The following CRTAC1 variants were observed in gnomAD, a reference collection of about 807,000 sequenced individuals.
CRTAC1 encodes the protein cartilage acidic protein 1, also known as acidic secreted protein in cartilage.
A neutral mutation model predicts 67.8 loss-of-function variants in CRTAC1; 37 were observed. That is an observed-to-expected ratio of 0.55 (90% CI 0.42 to 0.72). The LOEUF is 0.72. Among genes scored for constraint, CRTAC1 ranks in the 30% least tolerant of loss-of-function variants. The pLI is 0.00. For synonymous variants in CRTAC1, 348 were observed against 371.0 expected (o/e 0.94, Z 0.71); for missense variants, 780 against 931.6 (o/e 0.84, Z 2.12).
At chr10:97,945,499 A>T (rs182570519) in intron 2 of CRTAC1, among the ~76,000 whole-genome samples, 1 of 152,348 alleles carries the variant, frequency 6.6e-6, no homozygotes, top group African/African-American at 2.4e-5. Flanking sequence ...ACCAGAAAAC[A>T]TATGGGAAGA....
chr10:98,011,579 T>C (rs928727764), intron 1 of CRTAC1, among the ~76,000 whole-genome samples: 1 of 152,172 alleles, frequency 6.6e-6, no homozygotes, highest in African/African-American at 2.4e-5. Context: ...TTTTTCTTTT[T>C]CTACAGCATC....
chr10:97,900,001 G>A (rs1179968663), intron 8 of CRTAC1, among the ~76,000 whole-genome samples: 3 of 152,210 alleles, frequency 2.0e-5, no homozygotes, highest in African/African-American at 7.2e-5. Flanking sequence ...AGAATCACCT[G>A]GTGCCTACTG....
chr10:97,987,044 A>G (rs1299040161), intron 2 of CRTAC1, among the ~76,000 whole-genome samples: 1 of 152,246 alleles, frequency 6.6e-6, no homozygotes, highest in African/African-American at 2.4e-5. Flanking sequence ...GACTCTCAGT[A>G]TATTAAGAAA....
intron 2 of CRTAC1, among the ~76,000 whole-genome samples, chr10:97,967,050 C>G (rs557476503): frequency 6.7e-6 from 1 of 148,190 alleles, no homozygotes; most frequent in African/African-American, 2.5e-5. Flanking sequence ...GCGGCACCTA[C>G]GCAGGAGTAG....
At chr10:98,001,894 A>T (rs142674308) in intron 2 of CRTAC1, among the ~76,000 whole-genome samples, 29 of 152,382 alleles carry the variant, frequency 1.9e-4, no homozygotes, top group Middle Eastern at 3.4e-3. Context: ...AAGAGAAGGG[A>T]TGTGTGAAGA....
intron 2 of CRTAC1, among the ~76,000 whole-genome samples, chr10:97,960,810 C>T (rs148698909): frequency 1.2e-3 from 183 of 152,326 alleles, no homozygotes; most frequent in African/African-American, 4.3e-3. Flanking sequence ...ACTATGTCTA[C>T]AGCATCCTGC....
intron 11 of CRTAC1, among the ~76,000 whole-genome samples, chr10:97,892,182 TA>T (rs577129477): frequency 6.6e-6 from 1 of 152,078 alleles, no homozygotes; most frequent in African/African-American, 2.4e-5. Context: ...GCTTTCCAGT[TA>T]AAAAAGCAAT....
chr10:97,917,125 C>T (rs529182062), intron 5 of CRTAC1, among the ~76,000 whole-genome samples: 55 of 152,318 alleles, frequency 3.6e-4, no homozygotes, highest in African/African-American at 1.2e-3. Flanking sequence ...CTTTAAATCT[C>T]GGCTTTTGTG....
At chr10:97,924,882 C>T (rs191439834) in intron 3 of CRTAC1, among the ~76,000 whole-genome samples, 4 of 151,914 alleles carry the variant, frequency 2.6e-5, no homozygotes, top group South Asian at 2.1e-4. Flanking sequence ...TGAGCATGAG[C>T]GAGAGTGAGC....
intron 2 of CRTAC1, among the ~76,000 whole-genome samples, chr10:97,971,722 T>C (rs2051716006): frequency 6.6e-6 from 1 of 152,244 alleles, no homozygotes. Flanking sequence ...AACACAGAGC[T>C]GCAGCTAAGT....
At chr10:97,993,321 G>A (rs995210787) in intron 2 of CRTAC1, among the ~76,000 whole-genome samples, 4 of 152,192 alleles carry the variant, frequency 2.6e-5, no homozygotes, top group African/African-American at 9.7e-5. Flanking sequence ...TTCCACAGAG[G>A]GTGAAAGCCT....
chr10:97,883,077 C>T (rs1026248995), intron 12 of CRTAC1, among the ~76,000 whole-genome samples: 12 of 152,232 alleles, frequency 7.9e-5, no homozygotes, highest in African/African-American at 1.9e-4. Flanking sequence ...AGGATCCACA[C>T]GAGCTGGGAC....
chr10:97,896,426 C>A (rs998964925), intron 9 of CRTAC1, among the ~76,000 whole-genome samples: 1 of 152,084 alleles, frequency 6.6e-6, no homozygotes, highest in Non-Finnish European at 1.5e-5. Flanking sequence ...ATGTGGAGAA[C>A]AAGACCCAGA....
intron 2 of CRTAC1, among the ~76,000 whole-genome samples, chr10:97,955,646 TA>T (rs1367662495): frequency 6.6e-6 from 1 of 152,156 alleles, no homozygotes; most frequent in African/African-American, 2.4e-5. Flanking sequence ...GTCATGAAAA[TA>T]AAAATGTTTA....
chr10:97,984,513 C>T (rs780371486), intron 2 of CRTAC1, among the ~76,000 whole-genome samples: 7 of 152,194 alleles, frequency 4.6e-5, no homozygotes, highest in Admixed American at 6.5e-5. Flanking sequence ...AGCTTTTTGG[C>T]ATTTGTAGCC....
intron 3 of CRTAC1, among the ~76,000 whole-genome samples, chr10:97,924,079 G>C (rs2050879222): frequency 1.3e-5 from 2 of 152,122 alleles, no homozygotes; most frequent in Admixed American, 6.5e-5. Flanking sequence ...AGGACCTTCA[G>C]CTCAGGGAGT....
chr10:98,011,112 T>C, intron 2 of CRTAC1, 26 bp downstream of exon 2: 1 of 1,603,870 alleles, frequency 6.2e-7, no homozygotes, highest in African/African-American at 1.3e-5. Context: ...TTAATATCTG[T>C]CACACTGAGG....
intron 5 of CRTAC1, among the ~76,000 whole-genome samples, chr10:97,908,513 ACC>A (rs1169107441): frequency 6.6e-6 from 1 of 152,096 alleles, no homozygotes; most frequent in African/African-American, 2.4e-5. Context: ...AGTCACAGAT[ACC>A]CCAACAGACT....
chr10:97,990,131 G>A (rs760974465), intron 2 of CRTAC1, among the ~76,000 whole-genome samples: 1 of 152,172 alleles, frequency 6.6e-6, no homozygotes, highest in African/African-American at 2.4e-5. Flanking sequence ...AGCATCTATT[G>A]ATAAAAAGCC....
Sources: gnomAD v4.1 joint callset for allele counts (sites outside exome capture counted in the v4.1 genomes callset) on GRCh38, gnomAD v4.1.1 for gene constraint, MANE v1.5 for transcripts, NCBI Gene and HGNC (gene_info 2026-07-23, HGNC 2026-07-21) for gene names.